The following ANKIB1 variants were observed in gnomAD, a reference collection of about 807,000 sequenced individuals.
ANKIB1 encodes the protein ankyrin repeat and IBR domain-containing protein 1.
In ANKIB1, 43 loss-of-function variants were observed where a neutral mutation model predicts 122.1. The ratio of observed to expected loss-of-function variants is 0.35; its 90% CI spans 0.28 to 0.45. The LOEUF (loss-of-function observed/expected upper bound fraction) is 0.45. Ranked by LOEUF, ANKIB1 falls within the 20% of genes least tolerant of loss-of-function variation. The pLI is 1.00. For synonymous variants in ANKIB1, 390 were observed against 442.0 expected (o/e 0.88, Z 1.48); for missense variants, 992 against 1,329.5 (o/e 0.75, Z 3.95).
chr7:92,395,401 A>C (rs1437621479), intron 17 of ANKIB1, among the ~76,000 whole-genome samples: 7 of 152,158 alleles, frequency 4.6e-5, no homozygotes, highest in Non-Finnish European at 1.0e-4. Flanking sequence ...CTTTTAATCT[A>C]GTCATTTGAT....
At position 92,370,381 on chromosome 7, in the gene ANKIB1, G is replaced by A. The variant is rs189842780; in HGVS notation, c.1487-1096G>A. ...AAATTAGCCAGGCGTGGTGGCAGGC[G>A]CCTATAGTCCCAGCTACTCGGGAGG... On this transcript the variant is annotated intron_variant, in intron 10 of 19. Transcript: ENST00000265742. 1.8e-4 allele frequency among the ~76,000 whole-genome samples: 28 copies of A among 151,498 alleles called. No individual in the cohort carries two copies. In the East Asian group the frequency reaches 5.1e-3, roughly 27 times the overall value.
chr7:92,371,962 T>G (rs952616867), intron 11 of ANKIB1, among the ~76,000 whole-genome samples: 8 of 98,162 alleles, frequency 8.1e-5, no homozygotes, highest in African/African-American at 3.2e-4. Context: ...TGTGTGTGTG[T>G]GTGTGTGTGT....
intron 9 of ANKIB1, among the ~76,000 whole-genome samples, chr7:92,354,303 G>T (rs1803736423): frequency 1.3e-5 from 2 of 152,046 alleles, no homozygotes; most frequent in African/African-American, 2.4e-5. Flanking sequence ...AAAATATCAG[G>T]CTGGTTATAC....
intron 6 of ANKIB1, among the ~76,000 whole-genome samples, chr7:92,344,059 G>A (rs750588358): frequency 2.6e-5 from 4 of 152,224 alleles, no homozygotes; most frequent in Middle Eastern, 3.4e-3. Flanking sequence ...CATATGTAAC[G>A]TGATAAATTT....
chr7:92,358,319 C>CT (rs776343014), intron 9 of ANKIB1, among the ~76,000 whole-genome samples: 36 of 152,078 alleles, frequency 2.4e-4, no homozygotes, highest in African/African-American at 3.1e-4. Context: ...TAAGCTGCTG[C>CT]TTTTTTTTAT....
intron 9 of ANKIB1, among the ~76,000 whole-genome samples, chr7:92,355,876 A>ATAG (rs976137531): frequency 1.3e-5 from 2 of 148,524 alleles, no homozygotes; most frequent in Non-Finnish European, 3.0e-5. Flanking sequence ...AATAATAATA[A>ATAG]TAATAATAAT....
chr7:92,254,453 C>T (rs1801395752), intron 1 of ANKIB1, among the ~76,000 whole-genome samples: 1 of 152,040 alleles, frequency 6.6e-6, no homozygotes, highest in Non-Finnish European at 1.5e-5. Flanking sequence ...TAATTGTCAC[C>T]ATTAATGTCT....
intron 16 of ANKIB1, among the ~76,000 whole-genome samples, chr7:92,391,574 A>G (rs1468525719): frequency 1.3e-5 from 2 of 152,028 alleles, no homozygotes; most frequent in Admixed American, 1.3e-4. Context: ...CTTAGACTAA[A>G]TTAACCTAGG....
intron 3 of ANKIB1, among the ~76,000 whole-genome samples, chr7:92,318,004 T>A (rs908939546): frequency 6.6e-6 from 1 of 152,154 alleles, no homozygotes; most frequent in African/African-American, 2.4e-5. Context: ...TGTCCAGTCA[T>A]GGTTAAAAAC....
chr7:92,286,762 C>T (rs1802138007), intron 1 of ANKIB1, among the ~76,000 whole-genome samples: 1 of 152,172 alleles, frequency 6.6e-6, no homozygotes, highest in South Asian at 2.1e-4. Context: ...AGGCGTGAGC[C>T]ACCACGCCTG....
At chr7:92,362,855 T>C (rs1803982499) in intron 10 of ANKIB1, among the ~76,000 whole-genome samples, 1 of 152,196 alleles carries the variant, frequency 6.6e-6, no homozygotes, top group Non-Finnish European at 1.5e-5. Context: ...TTGGGTTGAA[T>C]GACACAGGGC....
chr7:92,304,516 A>T (rs1802518490), intron 2 of ANKIB1, among the ~76,000 whole-genome samples: 1 of 152,094 alleles, frequency 6.6e-6, no homozygotes, highest in Non-Finnish European at 1.5e-5. Context: ...TTTCTTTGTG[A>T]TAAGAACCTG....
At chr7:92,342,126 A>G (rs903810954) in intron 5 of ANKIB1, among the ~76,000 whole-genome samples, 6 of 152,092 alleles carry the variant, frequency 3.9e-5, no homozygotes, top group African/African-American at 1.4e-4. Flanking sequence ...GAATGTGCCT[A>G]CAGTGAATAA....
chr7:92,333,092 C>T (rs1300660739), intron 5 of ANKIB1, among the ~76,000 whole-genome samples: 2 of 152,152 alleles, frequency 1.3e-5, no homozygotes, highest in Non-Finnish European at 2.9e-5. Flanking sequence ...CAATCTTAAA[C>T]TTCTCCCTTT....
rs1804997114 is a variant in ANKIB1, at chr7:92,400,822, T to G, written c.*1873T>G. ...GAATATTAACTTTATCTACAGTGTATTACTGTATATTAAACTGAAATAGTC... is the reference window on the plus strand; with the variant it reads ...GAATATTAACTTTATCTACAGTGTAGTACTGTATATTAAACTGAAATAGTC... On this transcript the variant is annotated 3_prime_UTR_variant, in exon 20 of 20. Transcript: ENST00000265742. 6.6e-6 allele frequency: 1 copy of G among 152,238 alleles called. No individual in the cohort carries two copies. The highest frequency in any genetic ancestry group is 1.5e-5 in the Non-Finnish European group (1 of 68,042). The allele number at this position is 152,238 out of a possible 1,614,324, so 9.4% of individuals were successfully genotyped here. A position where few individuals can be genotyped will look rare whatever the true frequency, so the allele number is the denominator to read the frequency against.
intron 9 of ANKIB1, among the ~76,000 whole-genome samples, chr7:92,360,384 G>A (rs1180320554): frequency 2.6e-5 from 4 of 152,142 alleles, no homozygotes; most frequent in African/African-American, 4.8e-5. Context: ...CATTCATAGT[G>A]TAGCATGTAT....
intron 1 of ANKIB1, among the ~76,000 whole-genome samples, chr7:92,276,275 G>GT (rs1359820429): frequency 2.0e-5 from 3 of 152,302 alleles, no homozygotes; most frequent in Non-Finnish European, 4.4e-5. Context: ...CCAGCAATGA[G>GT]TAATGACTTC....
At chr7:92,330,981 A>G (rs369571291) in intron 5 of ANKIB1, among the ~76,000 whole-genome samples, 1 of 152,206 alleles carries the variant, frequency 6.6e-6, no homozygotes, top group Admixed American at 6.5e-5. Context: ...ATAGCACCAG[A>G]AGGTATACTC....
At chr7:92,363,076 A>G (rs1803987420) in intron 10 of ANKIB1, among the ~76,000 whole-genome samples, 1 of 152,100 alleles carries the variant, frequency 6.6e-6, no homozygotes, top group Non-Finnish European at 1.5e-5. Flanking sequence ...AGACTTAGAT[A>G]ATGGTGTTAG....
Sources: allele counts gnomAD v4.1 joint callset (sites outside exome capture counted in the v4.1 genomes callset), GRCh38; gene constraint gnomAD v4.1.1; transcripts MANE v1.5; gene names NCBI Gene and HGNC (gene_info 2026-07-23, HGNC 2026-07-21).